The following PRKAA1 variants were observed in gnomAD, a reference collection of about 807,000 sequenced individuals.
The protein encoded by PRKAA1 is protein kinase AMP-activated catalytic subunit alpha 1.
In PRKAA1, 23 loss-of-function variants were observed where a neutral mutation model predicts 56.9. That is an observed-to-expected ratio of 0.40 (90% CI 0.29 to 0.57). The LOEUF (loss-of-function observed/expected upper bound fraction) is 0.57, where lower values mean the gene tolerates loss of function less well. Ranked by LOEUF, PRKAA1 falls within the 20% of genes least tolerant of loss-of-function variation. The probability of loss-of-function intolerance (pLI) is 0.39; values close to 1 mark genes in which losing one functional copy is unlikely to be tolerated. For synonymous variants in PRKAA1, 226 were observed against 227.0 expected (o/e 1.00, Z 0.04); for missense variants, 413 against 679.7 (o/e 0.61, Z 4.36).
intron 2 of PRKAA1, among the ~76,000 whole-genome samples, chr5:40,776,035 C>A (rs1248110562): frequency 6.6e-6 from 1 of 152,082 alleles, no homozygotes; most frequent in East Asian, 1.9e-4. Context: ...GAAAAGCTAT[C>A]GTACGTTTTA....
At chr5:40,794,799 T>C (rs1744854761) in intron 1 of PRKAA1, among the ~76,000 whole-genome samples, 2 of 126,316 alleles carry the variant, frequency 1.6e-5, no homozygotes, top group East Asian at 2.1e-4. Context: ...ACAGCTGCTA[T>C]GGAAAACAGT....
chr5:40,767,270 C>T (rs1220434310), intron 6 of PRKAA1, among the ~76,000 whole-genome samples, 196 bp downstream of exon 6: 4 of 152,118 alleles, frequency 2.6e-5, no homozygotes, highest in Admixed American at 1.3e-4. Context: ...CTCCCTCTTA[C>T]GAATCTTACT....
At chr5:40,772,799 A>G (rs188789206) in intron 3 of PRKAA1, among the ~76,000 whole-genome samples, 7 of 152,058 alleles carry the variant, frequency 4.6e-5, no homozygotes, top group Non-Finnish European at 1.0e-4. Flanking sequence ...CACGCCCACT[A>G]ATTTTTGTAT....
chr5:40,782,686 T>C (rs1285148954), intron 1 of PRKAA1, among the ~76,000 whole-genome samples: 1 of 152,004 alleles, frequency 6.6e-6, no homozygotes, highest in Non-Finnish European at 1.5e-5. Context: ...GTAGTAGCAA[T>C]AATAATGTGA....
Position 40,798,163 on chromosome 5 carries a change from C to T in PRKAA1, c.27G>A (p.Lys9=), listed in dbSNP as rs1337751524. The T allele has an allele frequency of 1.9e-6, 3 of 1,573,588 alleles. No individual in the cohort carries two copies. Among genetic ancestry groups the T allele is most frequent in the East Asian group, 4.9e-5 (2 of 41,140 alleles). ...GTTTCTGCTTCTCGGCTGTCGCCAT[C>T]TTTCTCCAGGAACTGAGTCTGCGCA... MRRLSSWR[K]MATAEKQKHD... is the part of the protein sequence containing the mutation. Residue 9 remains lysine, a synonymous_variant, in exon 1 of 9, where the codon AAG becomes AAA. Coordinates refer to ENST00000397128, the MANE Select transcript of PRKAA1 (RefSeq NM_006251.6).
chr5:40,770,118 T>A (rs1645491), intron 4 of PRKAA1, among the ~76,000 whole-genome samples: 4 of 16,458 alleles, frequency 2.4e-4, no homozygotes, highest in South Asian at 4.6e-3. Flanking sequence ...ATAGATATAG[T>A]TATAGATATA....
intron 5 of PRKAA1, chr5:40,768,277 C>G (rs1369527876): frequency 3.3e-6 from 1 of 304,610 alleles, no homozygotes; most frequent in African/African-American, 2.3e-5. Context: ...CTGAACTGAT[C>G]GATAAATATT....
In PRKAA1 at chr5:40,777,597, A is replaced by G. The variant is rs888192303; in HGVS notation, c.128-11T>C. 5.6e-6 allele frequency: 9 copies of G among 1,593,340 alleles called. No individual in the cohort carries two copies. In the African/African-American group the frequency reaches 1.1e-4, roughly 19 times the overall value. On this transcript the variant is annotated splice_polypyrimidine_tract_variant and intron_variant, in intron 1 of 8. Coordinates refer to ENST00000397128, the MANE Select transcript of PRKAA1 (RefSeq NM_006251.6). ...ATTCATGTTTGCCAACTGTAAAAGA[A>G]GTAATTTAATAAATTAGTACTAAGT...
At chr5:40,787,954 T>C (rs1051397819) in intron 1 of PRKAA1, among the ~76,000 whole-genome samples, 1 of 152,138 alleles carries the variant, frequency 6.6e-6, no homozygotes, top group Non-Finnish European at 1.5e-5. Flanking sequence ...AGAGACTCAC[T>C]TCACCATAAA....
rs148222468 is a variant in PRKAA1 at position 40,769,526 on chromosome 5, A to G, written c.509-23T>C. 7 of 1,541,660 alleles carry G rather than the reference A, an allele frequency of 4.5e-6. No individual in the cohort carries two copies. The African/African-American group carries it at 6.9e-5, about 15-fold the overall frequency. Reference sequence around the variant, plus strand: ...GACCTGAAAGTGCACAAAATCAGCTACTCAAAAGATTTCCCAAAGACAAAA... The same window carrying G: ...GACCTGAAAGTGCACAAAATCAGCTGCTCAAAAGATTTCCCAAAGACAAAA... On this transcript the variant is annotated intron_variant, in intron 4 of 8. Coordinates refer to ENST00000397128, the MANE Select transcript of PRKAA1 (RefSeq NM_006251.6).
At position 40,760,124 on chromosome 5, in the gene PRKAA1, C is replaced by A. The variant is rs1743114188; in HGVS notation, c.*2654G>T. 1 of 152,664 alleles carries A rather than the reference C, an allele frequency of 6.6e-6. No homozygotes were observed. Among genetic ancestry groups the A allele is most frequent in the Admixed American group, 6.5e-5 (1 of 15,268 alleles). The allele number at this position is 152,664 out of a possible 1,614,324, so 9.5% of individuals were successfully genotyped here. On this transcript the variant is annotated 3_prime_UTR_variant, in exon 9 of 9. Coordinates refer to ENST00000397128, the MANE Select transcript of PRKAA1 (RefSeq NM_006251.6). ...ATAAAAAAAGATTAAAAATCATTTG[C>A]ATTGCCTCCCTTACCTCTTCAATAT... is the stretch of plus-strand genomic sequence containing the variant.
At chr5:40,767,813 T>G in intron 5 of PRKAA1, 123 bp from the exon 6 acceptor site, 1 of 763,846 alleles carries the variant, frequency 1.3e-6, no homozygotes, top group Non-Finnish European at 2.1e-6. Flanking sequence ...TTATAGCCAC[T>G]ACTACATGTT....
intron 3 of PRKAA1, among the ~76,000 whole-genome samples, chr5:40,773,598 G>A (rs191515357): frequency 5.3e-5 from 8 of 152,254 alleles, no homozygotes; most frequent in Non-Finnish European, 1.2e-4. Context: ...CACCAAGGAT[G>A]ACAATAGATA....
chr5:40,769,985 T>C (rs17239241), intron 4 of PRKAA1, among the ~76,000 whole-genome samples: 9,432 of 146,372 alleles, frequency 0.064, 410 homozygotes, highest in Non-Finnish European at 0.098. Context: ...CCTATAAAAA[T>C]AATCAACTGA....
intron 1 of PRKAA1, among the ~76,000 whole-genome samples, chr5:40,797,673 G>A (rs1309245958): frequency 6.6e-6 from 1 of 152,216 alleles, no homozygotes; most frequent in Non-Finnish European, 1.5e-5. Flanking sequence ...CTGAGCCAAG[G>A]GAGCACAACC....
At chr5:40,791,570 G>C (rs17835747) in intron 1 of PRKAA1, among the ~76,000 whole-genome samples, 4,962 of 152,246 alleles carry the variant, frequency 0.033, 111 homozygotes, top group Middle Eastern at 0.14. Context: ...ATTTTAATAG[G>C]ACAGAGAAGC....
rs1385608293 is a variant in PRKAA1, at chr5:40,761,170, AAAG to A, written c.*1605_*1607del. 2 of 152,186 alleles carry A rather than the reference AAAG, an allele frequency of 1.3e-5. No individual in the cohort carries two copies. The highest frequency in any genetic ancestry group is 4.8e-5 in the African/African-American group (2 of 41,462). The allele number at this position is 152,186 out of a possible 1,614,324, so 9.4% of individuals were successfully genotyped here. A position where few individuals can be genotyped will look rare whatever the true frequency, so the allele number is the denominator to read the frequency against. On this transcript the variant is annotated 3_prime_UTR_variant, in exon 9 of 9. Coordinates refer to ENST00000397128, the MANE Select transcript of PRKAA1 (RefSeq NM_006251.6). The stretch of plus-strand genomic sequence containing the variant: ...AATAATAATAATGTTATATCCAACT[AAAG>A]AGTTATAACCAAGTGTCATATGTAA...
At chr5:40,796,185 G>A (rs1744921696) in intron 1 of PRKAA1, among the ~76,000 whole-genome samples, 1 of 152,038 alleles carries the variant, frequency 6.6e-6, no homozygotes, top group Non-Finnish European at 1.5e-5. Context: ...GTGTGGTGGT[G>A]GGCGCCTGTA....
Position 40,798,227 on chromosome 5 carries a change from G to A in PRKAA1, c.-38C>T, listed in dbSNP as rs1245218285. The A allele has an allele frequency of 2.5e-6, 1 of 401,936 alleles. No homozygotes were observed. The highest frequency in any genetic ancestry group is 4.3e-6 in the Non-Finnish European group (1 of 235,078). The allele number at this position is 401,936 out of a possible 1,614,324, so 24.9% of individuals were successfully genotyped here. On this transcript the variant is annotated 5_prime_UTR_variant, in exon 1 of 9. Transcript: ENST00000397128. Reference sequence around the variant, plus strand: ...GGGGGCGGAGGGGGCGGGCAGGGCCGCGCCGGGGGCGGGCGGGGAGGGGGT... The same window carrying A: ...GGGGGCGGAGGGGGCGGGCAGGGCCACGCCGGGGGCGGGCGGGGAGGGGGT...
Sources: allele counts gnomAD v4.1 joint callset (sites outside exome capture counted in the v4.1 genomes callset), GRCh38; gene constraint gnomAD v4.1.1; transcripts MANE v1.5; gene names NCBI Gene and HGNC (gene_info 2026-07-23, HGNC 2026-07-21).